The following PGM5 variants were observed in gnomAD, a reference collection of about 807,000 sequenced individuals.
PGM5 encodes phosphoglucomutase-like protein 5.
PGM5 carries 23 observed loss-of-function variants against 59.2 expected under a neutral mutation model. The ratio of observed to expected loss-of-function variants is 0.39; its 90% CI spans 0.28 to 0.55. The LOEUF (loss-of-function observed/expected upper bound fraction) is 0.55. Ranked by LOEUF, PGM5 falls within the 20% of genes least tolerant of loss-of-function variation. PGM5 has a pLI of 0.66. For synonymous variants in PGM5, 214 were observed against 286.0 expected (o/e 0.75, Z 2.54); for missense variants, 574 against 748.3 (o/e 0.77, Z 2.72).
chr9:68,489,983 A>C (rs549057040), intron 9 of PGM5, among the ~76,000 whole-genome samples: 1 of 152,342 alleles, frequency 6.6e-6, no homozygotes, highest in East Asian at 1.9e-4. Context: ...AACCGTTTGA[A>C]TTTAGTTCAG....
At chr9:68,402,806 A>G (rs1435695961) in intron 6 of PGM5, among the ~76,000 whole-genome samples, 2 of 152,204 alleles carry the variant, frequency 1.3e-5, no homozygotes, top group African/African-American at 4.8e-5. Context: ...AGAGCATTGC[A>G]GTTCTTGTGT....
intron 8 of PGM5, among the ~76,000 whole-genome samples, chr9:68,483,467 G>A (rs1411199930): frequency 2.0e-5 from 3 of 152,168 alleles, no homozygotes; most frequent in African/African-American, 7.2e-5. Flanking sequence ...AGGAAAGGGT[G>A]CAATGTCAAT....
At chr9:68,430,088 T>C (rs1823317587) in intron 6 of PGM5, among the ~76,000 whole-genome samples, 1 of 152,232 alleles carries the variant, frequency 6.6e-6, no homozygotes, top group Admixed American at 6.5e-5. Flanking sequence ...GGATATATCA[T>C]TTGAAATGTA....
At chr9:68,460,168 T>C (rs1327102759) in intron 6 of PGM5, among the ~76,000 whole-genome samples, 3 of 152,192 alleles carry the variant, frequency 2.0e-5, no homozygotes, top group African/African-American at 7.2e-5. Flanking sequence ...ATATGATCAG[T>C]CTGTGTTTTT....
chr9:68,405,659 T>TTCCCTTCTCCTTCCCTTCTCCC, intron 6 of PGM5: 1 of 154,292 alleles, frequency 6.5e-6, no homozygotes, highest in Non-Finnish European at 1.5e-5. Context: ...TCGCTTCTCC[T>TTCCCTTCTCCTTCCCTTCTCCC]TCCCTTCTCC....
At chr9:68,495,023 T>A (rs1233489715) in intron 9 of PGM5, among the ~76,000 whole-genome samples, 1 of 152,168 alleles carries the variant, frequency 6.6e-6, no homozygotes, top group African/African-American at 2.4e-5. Flanking sequence ...AGGTCTACAG[T>A]GTGCCAGGCA....
At chr9:68,448,339 G>T (rs1200359934) in intron 6 of PGM5, among the ~76,000 whole-genome samples, 2 of 152,158 alleles carry the variant, frequency 1.3e-5, no homozygotes, top group African/African-American at 4.8e-5. Context: ...CCAGGGAGGG[G>T]TTGTTTGGGG....
intron 9 of PGM5, among the ~76,000 whole-genome samples, chr9:68,494,435 C>A (rs1384996433): frequency 1.3e-5 from 2 of 152,116 alleles, no homozygotes; most frequent in African/African-American, 2.4e-5. Context: ...TAGCACAGTC[C>A]AGTCACTTGA....
chr9:68,517,005 G>A (rs1488036450), intron 10 of PGM5, among the ~76,000 whole-genome samples: 3 of 151,722 alleles, frequency 2.0e-5, no homozygotes, highest in Non-Finnish European at 4.4e-5. Context: ...CTGAGAAGCC[G>A]GGACTACAGG....
At chr9:68,461,285 T>C (rs77269038) in intron 6 of PGM5, among the ~76,000 whole-genome samples, 1,812 of 152,176 alleles carry the variant, frequency 0.012, 29 homozygotes, top group African/African-American at 0.041. Context: ...TATAACCAGA[T>C]CTGAAAGAGG....
At chr9:68,434,479 G>A (rs1323066216) in intron 6 of PGM5, among the ~76,000 whole-genome samples, 1 of 152,056 alleles carries the variant, frequency 6.6e-6, no homozygotes, top group Admixed American at 6.6e-5. Context: ...TATTTTGTTT[G>A]CTAGTTAGCC....
intron 4 of PGM5, among the ~76,000 whole-genome samples, chr9:68,389,671 T>C (rs1822317202): frequency 6.6e-6 from 1 of 152,268 alleles, no homozygotes; most frequent in African/African-American, 2.4e-5. Context: ...AGATTTCTTT[T>C]TCTTCTAGTT....
At chr9:68,473,108 C>T (rs1381080864) in intron 7 of PGM5, among the ~76,000 whole-genome samples, 3 of 152,110 alleles carry the variant, frequency 2.0e-5, no homozygotes, top group African/African-American at 7.2e-5. Flanking sequence ...ACCGATCGAT[C>T]GATCGATCTC....
intron 9 of PGM5, among the ~76,000 whole-genome samples, chr9:68,494,446 T>C (rs1464147500): frequency 6.6e-6 from 1 of 152,180 alleles, no homozygotes; most frequent in East Asian, 1.9e-4. Flanking sequence ...AGTCACTTGA[T>C]AGATGAGGCA....
At chr9:68,395,063 A>G (rs1554679853) in intron 6 of PGM5, among the ~76,000 whole-genome samples, 3 of 152,134 alleles carry the variant, frequency 2.0e-5, no homozygotes, top group Non-Finnish European at 4.4e-5. Context: ...TGCTTCCTCC[A>G]AGGTCAGAGA....
intron 6 of PGM5, among the ~76,000 whole-genome samples, chr9:68,412,586 T>C (rs1351596591): frequency 1.3e-5 from 2 of 152,198 alleles, no homozygotes; most frequent in African/African-American, 4.8e-5. Flanking sequence ...TGCACAGGAA[T>C]TTCTAGATCA....
rs546016254 is a variant in PGM5 at position 68,460,475 on chromosome 9, T to C, written c.1044-4618T>C. 5.9e-5 allele frequency among the ~76,000 whole-genome samples: 9 copies of C among 152,306 alleles called. No homozygotes were observed. In the South Asian group the frequency reaches 1.9e-3, roughly 32 times the overall value. On this transcript the variant is annotated intron_variant, in intron 6 of 10. Transcript: ENST00000396396. ...AATGTATCCTTTTGCTCCTCAAACCTTTGAGGATCATTTAGTCACTGCCCC... is the reference window on the plus strand; with the variant it reads ...AATGTATCCTTTTGCTCCTCAAACCCTTGAGGATCATTTAGTCACTGCCCC...
At chr9:68,529,065 T>G (rs1825036565) in intron 10 of PGM5, among the ~76,000 whole-genome samples, 1 of 152,192 alleles carries the variant, frequency 6.6e-6, no homozygotes, top group Admixed American at 6.5e-5. Flanking sequence ...CAGTCATTTC[T>G]GCAACGTTGG....
intron 2 of PGM5, among the ~76,000 whole-genome samples, chr9:68,383,377 A>G (rs1378493167): frequency 6.6e-6 from 1 of 152,126 alleles, no homozygotes; most frequent in Non-Finnish European, 1.5e-5. Flanking sequence ...CATGTCATCA[A>G]TATAAAAATT....
Sources: gnomAD v4.1 joint callset for allele counts (sites outside exome capture counted in the v4.1 genomes callset) on GRCh38, gnomAD v4.1.1 for gene constraint, MANE v1.5 for transcripts, NCBI Gene and HGNC (gene_info 2026-07-23, HGNC 2026-07-21) for gene names.